Variants in CDK5RAP2 observed in about 807,000 individuals in gnomAD.
CDK5RAP2 encodes CDK5 regulatory subunit associated protein 2.
A neutral mutation model predicts 232.9 loss-of-function variants in CDK5RAP2; 147 were observed. The ratio of observed to expected loss-of-function variants is 0.63; its 90% CI spans 0.55 to 0.72. The LOEUF is 0.72. Among genes scored for constraint, CDK5RAP2 ranks in the 30% least tolerant of loss-of-function variants. The pLI, the probability that CDK5RAP2 is intolerant of heterozygous loss-of-function variation, is 0.00. For synonymous variants in CDK5RAP2, 833 were observed against 833.7 expected, an observed-to-expected ratio of 1.00 and a Z score of 0.01; for missense variants, 2,195 against 2,231.5, an observed-to-expected ratio of 0.98 and a Z score of 0.33.
At chr9:120,519,910 T>A (rs1387797810) in intron 11 of CDK5RAP2, among the ~76,000 whole-genome samples, 1 of 151,604 alleles carries the variant, frequency 6.6e-6, no homozygotes, top group Non-Finnish European at 1.5e-5. Flanking sequence ...AAACCCAGAT[T>A]CATTTGGAGA....
At chr9:120,517,930 T>A (rs749910494) in intron 12 of CDK5RAP2, 2 of 262,034 alleles carry the variant, frequency 7.6e-6, no homozygotes, top group Non-Finnish European at 1.6e-5. Context: ...TAAATATTTA[T>A]GTACAAGGAT....
At chr9:120,397,289 A>G (rs887641932) in intron 35 of CDK5RAP2, among the ~76,000 whole-genome samples, 18 of 152,340 alleles carry the variant, frequency 1.2e-4, no homozygotes, top group African/African-American at 4.1e-4. Context: ...TCATGGCCAT[A>G]CTTACCTCTA....
chr9:120,509,966 C>T (rs865945701), intron 12 of CDK5RAP2, among the ~76,000 whole-genome samples: 19 of 151,986 alleles, frequency 1.3e-4, no homozygotes, highest in Middle Eastern at 6.8e-3. Flanking sequence ...CACACACACA[C>T]ATATATATAC....
At chr9:120,531,247 GCCCTT>G (rs750657553) in intron 7 of CDK5RAP2, among the ~76,000 whole-genome samples, 7 of 151,722 alleles carry the variant, frequency 4.6e-5, no homozygotes, top group African/African-American at 7.3e-5. Context: ...TACCTAAAAT[GCCCTT>G]CCCCACCCTA....
intron 1 of CDK5RAP2, among the ~76,000 whole-genome samples, chr9:120,576,431 G>C (rs1008317580): frequency 6.6e-6 from 1 of 152,164 alleles, no homozygotes; most frequent in African/African-American, 2.4e-5. Flanking sequence ...GGCCAGGCGG[G>C]GTGGCTCACT....
intron 4 of CDK5RAP2, among the ~76,000 whole-genome samples, chr9:120,547,697 C>T (rs371591636): frequency 1.3e-5 from 2 of 152,214 alleles, no homozygotes; most frequent in African/African-American, 4.8e-5. Flanking sequence ...AAGTACTTCA[C>T]GTTGAGAAGT....
At chr9:120,509,215 A>C (rs1049993724) in intron 12 of CDK5RAP2, among the ~76,000 whole-genome samples, 5 of 152,226 alleles carry the variant, frequency 3.3e-5, no homozygotes, top group African/African-American at 1.2e-4. Flanking sequence ...ATCAAGGAAG[A>C]AATTTATAGC....
intron 36 of CDK5RAP2, among the ~76,000 whole-genome samples, chr9:120,392,962 C>T (rs1256130340): frequency 6.6e-6 from 1 of 152,208 alleles, no homozygotes; most frequent in East Asian, 1.9e-4. Flanking sequence ...TCCTGGAGTC[C>T]TGTCCACAAG....
rs2031658530 is a variant in CDK5RAP2, at chr9:120,389,000, T to C, written c.*236A>G. The C allele has an allele frequency of 1.7e-6, 1 of 589,850 alleles. No homozygotes were observed. The allele number at this position is 589,850 out of a possible 1,614,324, so 36.5% of individuals were successfully genotyped here. ...CCTCAACTCCGGTGCCTGCCCCTGA[T>C]CTGAAATACAACATCCAAGAGCTCG... On this transcript the variant is annotated 3_prime_UTR_variant, in exon 38 of 38. Coordinates refer to ENST00000349780, the MANE Select transcript of CDK5RAP2 (RefSeq NM_018249.6).
intron 16 of CDK5RAP2, 109 bp from the exon 17 acceptor site, chr9:120,470,329 T>C (rs1234061990): frequency 3.2e-6 from 2 of 619,476 alleles, no homozygotes; most frequent in South Asian, 2.0e-5. Context: ...GCAATGTGAA[T>C]GGGGGAGGTG....
intron 12 of CDK5RAP2, among the ~76,000 whole-genome samples, chr9:120,497,900 A>T (rs932935837): frequency 3.3e-5 from 5 of 152,330 alleles, no homozygotes; most frequent in African/African-American, 1.2e-4. Context: ...CTGATGCACC[A>T]TAATCTAAGC....
At chr9:120,502,197 C>T (rs1348307619) in intron 12 of CDK5RAP2, among the ~76,000 whole-genome samples, 1 of 152,196 alleles carries the variant, frequency 6.6e-6, no homozygotes, top group Non-Finnish European at 1.5e-5. Context: ...TGAAGAATAA[C>T]TATAAAACCT....
At chr9:120,401,213 C>T (rs919793940) in intron 34 of CDK5RAP2, among the ~76,000 whole-genome samples, 2 of 152,014 alleles carry the variant, frequency 1.3e-5, no homozygotes, top group Non-Finnish European at 2.9e-5. Context: ...CACAGAGACT[C>T]GCCCAGAGAA....
At chr9:120,438,545 G>A (rs113512186) in intron 24 of CDK5RAP2, among the ~76,000 whole-genome samples, 3,637 of 152,270 alleles carry the variant, frequency 0.024, 57 homozygotes, top group East Asian at 0.041. Flanking sequence ...CCTGGCAATG[G>A]CTCTGACCAG....
Position 120,400,232 on chromosome 9 carries a change from C to A in CDK5RAP2, c.5451+510G>T, listed in dbSNP as rs182985067. 7.2e-5 allele frequency among the ~76,000 whole-genome samples: 11 copies of A among 152,260 alleles called. No individual in the cohort carries two copies. In the East Asian group the frequency reaches 1.9e-3, roughly 27 times the overall value. ...ACTCTGCCTGACTCCTGGTTTGGAG[C>A]CTGTCATTCCTAAGTACTTAAAACA... On this transcript the variant is annotated intron_variant, in intron 35 of 37. Coordinates refer to ENST00000349780, the MANE Select transcript of CDK5RAP2 (RefSeq NM_018249.6).
intron 25 of CDK5RAP2, among the ~76,000 whole-genome samples, chr9:120,423,919 C>T (rs941041297): frequency 1.3e-5 from 2 of 152,224 alleles, no homozygotes; most frequent in Non-Finnish European, 2.9e-5. Flanking sequence ...GGTTCCCTAT[C>T]GCCCACCAGG....
chr9:120,471,917 T>G, intron 15 of CDK5RAP2, 39 bp from the exon 16 acceptor site: 1 of 1,613,170 alleles, frequency 6.2e-7, no homozygotes, highest in Non-Finnish European at 8.5e-7. Context: ...AAAACAGACC[T>G]ATTTGTACTT....
chr9:120,429,790 C>G (rs953326099), intron 25 of CDK5RAP2, among the ~76,000 whole-genome samples: 1 of 152,134 alleles, frequency 6.6e-6, no homozygotes, highest in Non-Finnish European at 1.5e-5. Context: ...AAAAAAGAGC[C>G]CGCATCGCCA....
intron 25 of CDK5RAP2, among the ~76,000 whole-genome samples, chr9:120,435,683 G>C (rs1564211442): frequency 6.6e-6 from 1 of 152,146 alleles, no homozygotes; most frequent in East Asian, 1.9e-4. Context: ...CAGAAAGTAA[G>C]GACGTACTCC....
Sources: allele counts gnomAD v4.1 joint callset (sites outside exome capture counted in the v4.1 genomes callset), GRCh38; gene constraint gnomAD v4.1.1; transcripts MANE v1.5; gene names NCBI Gene and HGNC (gene_info 2026-07-23, HGNC 2026-07-21).